SLC5A3: variants seen among roughly 807,000 people sequenced by gnomAD.
SLC5A3 encodes the protein sodium/myo-inositol cotransporter.
In SLC5A3, 10 loss-of-function variants were observed where a neutral mutation model predicts 43.2. The observed-to-expected ratio is 0.23, with a 90% CI of 0.14 to 0.39. The LOEUF is 0.39. Ranked by LOEUF, SLC5A3 falls within the 10% of genes least tolerant of loss-of-function variation. SLC5A3 has a pLI of 1.00. For missense variants in SLC5A3, 608 were observed against 893.4 expected, an observed-to-expected ratio of 0.68 and a Z score of 4.07; for synonymous variants, 349 against 322.0, an observed-to-expected ratio of 1.08 and a Z score of -0.90.
At chr21:34,088,285 C>G (rs1284909783) in intron 1 of SLC5A3, among the ~76,000 whole-genome samples, 3 of 152,176 alleles carry the variant, frequency 2.0e-5, no homozygotes, top group African/African-American at 7.2e-5. Flanking sequence ...GACTAATTAA[C>G]ACTGATAAAA....
Position 34,095,435 on chromosome 21 carries a change from G to T in SLC5A3, c.237G>T (p.Val79=), listed in dbSNP as rs1440582344. The stretch of plus-strand genomic sequence containing the variant: ...CTGGAGCTGCAAGTGGATTTGCAGT[G>T]GGCGCATGGGAATTCAATGCCTTAC... The part of the protein sequence containing the change: ...AGSGAASGFA[V]GAWEFNALLL... The change falls in exon 2 of 2, where the codon GTG becomes GTT. Residue 79 remains valine (V), a synonymous_variant. Coordinates refer to ENST00000381151, the MANE Select transcript of SLC5A3 (RefSeq NM_006933.7). 6.2e-7 allele frequency: 1 copy of T among 1,614,074 alleles called. No homozygotes were observed. Among genetic ancestry groups the T allele is most frequent in the East Asian group, 2.2e-5 (1 of 44,884 alleles).
Position 34,097,913 on chromosome 21 carries a change from C to CA in SLC5A3, c.*558_*559insA. On this transcript the variant is annotated 3_prime_UTR_variant, in exon 2 of 2. Transcript: ENST00000381151. The stretch of plus-strand genomic sequence containing the variant: ...GCATGAGCCTACGGATTCTGATTTC[C>CA]CAAAGAAAGAATGTTTTCCTGTAGG... 1.0e-6 allele frequency: 1 copy of CA among 997,146 alleles called. No individual in the cohort carries two copies. 61.8% of individuals were successfully genotyped at this position (997,146 alleles called of 1,614,324 possible).
Position 34,102,902 on chromosome 21 carries a change from G to A in SLC5A3, c.*5547G>A, listed in dbSNP as rs1277380481. The A allele has an allele frequency of 3.0e-6, 3 of 999,576 alleles. No individual in the cohort carries two copies. The highest frequency in any genetic ancestry group is 3.6e-6 in the Non-Finnish European group (3 of 829,896). 61.9% of individuals were successfully genotyped at this position (999,576 alleles called of 1,614,324 possible). ...TACAGTGAATTCGACAACCGCACAAGTTGGCAGTAGGTATCCCCAACCTAA... is the reference window on the plus strand; with the variant it reads ...TACAGTGAATTCGACAACCGCACAAATTGGCAGTAGGTATCCCCAACCTAA... On this transcript the variant is annotated 3_prime_UTR_variant, in exon 2 of 2. Transcript: ENST00000381151.
In SLC5A3 at chr21:34,099,788, A is replaced by G. The variant is rs781636822; in HGVS notation, c.*2433A>G. ...GTAAATAAGGAATGACTATTAGCAT[A>G]TTCATTAGAATTGTTTATTCTTGCC... On this transcript the variant is annotated 3_prime_UTR_variant, in exon 2 of 2. Coordinates refer to ENST00000381151, the MANE Select transcript of SLC5A3 (RefSeq NM_006933.7). 2.5e-6 allele frequency: 2 copies of G among 804,394 alleles called. No homozygotes were observed. Among genetic ancestry groups the G allele is most frequent in the Non-Finnish European group, 3.1e-6 (2 of 652,218 alleles). 49.8% of individuals were successfully genotyped at this position (804,394 alleles called of 1,614,324 possible).
At position 34,096,864 on chromosome 21, in the gene SLC5A3, G is replaced by A. The variant is rs1978986253; in HGVS notation, c.1666G>A (p.Glu556Lys). ...FWSKKNLVVK[E>K]NCSPKEEPYK... The stretch of plus-strand genomic sequence containing the variant: ...GTCTAAGAAGAACCTGGTGGTGAAG[G>A]AGAACTGCTCCCCAAAAGAGGAACC... The change falls in exon 2 of 2, where the codon GAG (glutamate) becomes AAG (lysine). Residue 556 changes from glutamate to lysine, a missense_variant. Glu to Lys is a moderately conservative substitution (Grantham distance 56, BLOSUM62 1). Around this residue, in one of 2 missense-constraint regions of SLC5A3, gnomAD observed 210 missense variants for 224.8 expected, o/e 0.93. Coordinates refer to ENST00000381151, the MANE Select transcript of SLC5A3 (RefSeq NM_006933.7). This position sits in a 1 kb window ranked among gnomAD's most constrained non-coding sequence, Gnocchi z 5.9. The A allele has an allele frequency of 6.2e-7, 1 of 1,614,088 alleles. No individual in the cohort carries two copies. The highest frequency in any genetic ancestry group is 8.5e-7 in the Non-Finnish European group (1 of 1,179,984).
rs1490915245 is a variant in SLC5A3 at position 34,102,170 on chromosome 21, C to T, written c.*4815C>T. 6 of 999,846 alleles carry T rather than the reference C, an allele frequency of 6.0e-6. No individual in the cohort carries two copies. The African/African-American group carries it at 7.0e-5, about 12-fold the overall frequency. The allele number at this position is 999,846 out of a possible 1,614,324, so 61.9% of individuals were successfully genotyped here. A position where few individuals can be genotyped will look rare whatever the true frequency, so the allele number is the denominator to read the frequency against. ...ACTGTCCTTTGTTGGAATACTTTAG[C>T]TGTTCAGCTACTTTGACTCCTAGGA... On this transcript the variant is annotated 3_prime_UTR_variant, in exon 2 of 2. Transcript: ENST00000381151.
Position 34,103,932 on chromosome 21 carries a change from A to G in SLC5A3, c.*6577A>G. ...GATGTCTAGGTTTTTGGTGGGTGGA[A>G]CAGGTGACATATTTCTGTTTTAAGC... On this transcript the variant is annotated 3_prime_UTR_variant, in exon 2 of 2. Coordinates refer to ENST00000381151, the MANE Select transcript of SLC5A3 (RefSeq NM_006933.7). 2.0e-6 allele frequency: 2 copies of G among 1,000,226 alleles called. No homozygotes were observed. The highest frequency in any genetic ancestry group is 1.7e-5 in the African/African-American group (1 of 57,346). 62.0% of individuals were successfully genotyped at this position (1,000,226 alleles called of 1,614,324 possible).
rs369103750 is a variant in SLC5A3 at position 34,089,153 on chromosome 21, G to C, written c.-336-5710G>C. ...AGCGATCCTCTTGCCACAGCCTCCT[G>C]AGTAGCTGGGATTACAGGCGTGTGC... On this transcript the variant is annotated intron_variant, in intron 1 of 1. Transcript: ENST00000381151. Among the ~76,000 whole-genome samples the C allele has an allele frequency of 1.7e-3, 259 of 152,050 alleles. 2 individuals carry two copies. Among genetic ancestry groups the C allele is most frequent in the African/African-American group, 6.0e-3 (250 of 41,446 alleles).
rs1244346013 is a variant in SLC5A3, at chr21:34,099,209, A to T, written c.*1854A>T. On this transcript the variant is annotated 3_prime_UTR_variant, in exon 2 of 2. Coordinates refer to ENST00000381151, the MANE Select transcript of SLC5A3 (RefSeq NM_006933.7). ...CTTGTAGAATTTTTTTCTCAATTTT[A>T]TTCTTGAGGTTTATAATTTGGGGGC... 1 of 999,882 alleles carries T rather than the reference A, an allele frequency of 1.0e-6. No individual in the cohort carries two copies. Among genetic ancestry groups the T allele is most frequent in the Non-Finnish European group, 1.2e-6 (1 of 829,926 alleles). 61.9% of individuals were successfully genotyped at this position (999,882 alleles called of 1,614,324 possible). A position where few individuals can be genotyped will look rare whatever the true frequency, so the allele number is the denominator to read the frequency against.
In SLC5A3 at chr21:34,090,878, C is replaced by T. The variant is rs12482054; in HGVS notation, c.-336-3985C>T. 7.4e-3 allele frequency among the ~76,000 whole-genome samples: 1,130 copies of T among 152,286 alleles called. 27 individuals are homozygous for T. The highest frequency in any genetic ancestry group is 0.05 in the East Asian group (260 of 5,178). ...AAAACTGTGCTGTTTTCTTCTGTAC[C>T]GTGCCACCTACATAGATGTGGTACC... On this transcript the variant is annotated intron_variant, in intron 1 of 1. Coordinates refer to ENST00000381151, the MANE Select transcript of SLC5A3 (RefSeq NM_006933.7).
intron 1 of SLC5A3, among the ~76,000 whole-genome samples, chr21:34,080,970 C>T (rs960737397): frequency 1.4e-4 from 21 of 152,156 alleles, no homozygotes; most frequent in African/African-American, 3.9e-4. Context: ...ATCTTGTTTC[C>T]GTAAAATAAT....
chr21:34,099,141 A>AT lies in SLC5A3; in HGVS notation c.*1789dup. 2 of 999,548 alleles carry AT rather than the reference A, an allele frequency of 2.0e-6. No individual in the cohort carries two copies. The highest frequency in any genetic ancestry group is 2.4e-6 in the Non-Finnish European group (2 of 829,652). 61.9% of individuals were successfully genotyped at this position (999,548 alleles called of 1,614,324 possible). Reference sequence around the variant, plus strand: ...GACTGAGTCTGTAAATGAAAAAATAATTTATGTATGAATAGCATGTATTTC... The same window carrying AT: ...GACTGAGTCTGTAAATGAAAAAATAATTTTATGTATGAATAGCATGTATTTC... On this transcript the variant is annotated 3_prime_UTR_variant, in exon 2 of 2. Coordinates refer to ENST00000381151, the MANE Select transcript of SLC5A3 (RefSeq NM_006933.7).
chr21:34,079,600 T>C (rs1215400752), intron 1 of SLC5A3, among the ~76,000 whole-genome samples: 2 of 115,346 alleles, frequency 1.7e-5, no homozygotes, highest in Non-Finnish European at 3.4e-5. Context: ...CAGACCCAGC[T>C]AATTTTTTTT....
In SLC5A3 at chr21:34,104,783, CT is replaced by C; in HGVS notation, c.*7429del. 1 of 1,000,202 alleles carries C rather than the reference CT, an allele frequency of 1.0e-6. No homozygotes were observed. Among genetic ancestry groups the C allele is most frequent in the South Asian group, 4.7e-5 (1 of 21,286 alleles). 62.0% of individuals were successfully genotyped at this position (1,000,202 alleles called of 1,614,324 possible). A position where few individuals can be genotyped will look rare whatever the true frequency, so the allele number is the denominator to read the frequency against. On this transcript the variant is annotated 3_prime_UTR_variant, in exon 2 of 2. Transcript: ENST00000381151. ...CTTAGCAACATGTGATAATGCAAAG[CT>C]GTTATAACCTGTTAATCCTACGTAC...
chr21:34,097,762 A>T lies in SLC5A3; in HGVS notation c.*407A>T, dbSNP rs1015241743. 1.0e-6 allele frequency: 1 copy of T among 1,003,536 alleles called. No individual in the cohort carries two copies. Among genetic ancestry groups the T allele is most frequent in the South Asian group, 4.7e-5 (1 of 21,464 alleles). 62.2% of individuals were successfully genotyped at this position (1,003,536 alleles called of 1,614,324 possible). ...TCTAAATTTTTTTTTCTGTCTCTGT[A>T]ATCCCTCCTACCATTAAGAAAAACT... On this transcript the variant is annotated 3_prime_UTR_variant, in exon 2 of 2. Coordinates refer to ENST00000381151, the MANE Select transcript of SLC5A3 (RefSeq NM_006933.7).
chr21:34,103,074 T>C lies in SLC5A3; in HGVS notation c.*5719T>C. On this transcript the variant is annotated 3_prime_UTR_variant, in exon 2 of 2. Coordinates refer to ENST00000381151, the MANE Select transcript of SLC5A3 (RefSeq NM_006933.7). ...TGTAAGTGGAATGTTCATTAGTAAC[T>C]CATCTTTTTGTTGTTATAATTGGAA... 1.0e-6 allele frequency: 1 copy of C among 1,000,134 alleles called. No individual in the cohort carries two copies. Among genetic ancestry groups the C allele is most frequent in the Non-Finnish European group, 1.2e-6 (1 of 829,920 alleles). 62.0% of individuals were successfully genotyped at this position (1,000,134 alleles called of 1,614,324 possible). A position where few individuals can be genotyped will look rare whatever the true frequency, so the allele number is the denominator to read the frequency against.
Position 34,099,466 on chromosome 21 carries a change from T to A in SLC5A3, c.*2111T>A. The A allele has an allele frequency of 1.0e-6, 1 of 1,000,088 alleles. No individual in the cohort carries two copies. Among genetic ancestry groups the A allele is most frequent in the Non-Finnish European group, 1.2e-6 (1 of 829,912 alleles). The allele number at this position is 1,000,088 out of a possible 1,614,324, so 62.0% of individuals were successfully genotyped here. A position where few individuals can be genotyped will look rare whatever the true frequency, so the allele number is the denominator to read the frequency against. On this transcript the variant is annotated 3_prime_UTR_variant, in exon 2 of 2. Coordinates refer to ENST00000381151, the MANE Select transcript of SLC5A3 (RefSeq NM_006933.7). ...TTGGGAAAGTAATAAGATCTTGGAT[T>A]TTTCAAATTAACATTAAGTTGTAAG...
chr21:34,103,841 G>T lies in SLC5A3; in HGVS notation c.*6486G>T. ...TCAAGAATGCCAAAATTATATTTGG[G>T]GGTTACTAGCTAAAATGGGGTTTGA... On this transcript the variant is annotated 3_prime_UTR_variant, in exon 2 of 2. Transcript: ENST00000381151. 2.0e-6 allele frequency: 2 copies of T among 1,000,044 alleles called. No individual in the cohort carries two copies. The highest frequency in any genetic ancestry group is 2.4e-6 in the Non-Finnish European group (2 of 829,880). 61.9% of individuals were successfully genotyped at this position (1,000,044 alleles called of 1,614,324 possible).
Position 34,105,089 on chromosome 21 carries a change from AT to A in SLC5A3, c.*7742del, listed in dbSNP as rs992161123. The A allele has an allele frequency of 1.0e-6, 1 of 999,698 alleles. No homozygotes were observed. The highest frequency in any genetic ancestry group is 1.2e-6 in the Non-Finnish European group (1 of 829,622). 61.9% of individuals were successfully genotyped at this position (999,698 alleles called of 1,614,324 possible). A position where few individuals can be genotyped will look rare whatever the true frequency, so the allele number is the denominator to read the frequency against. On this transcript the variant is annotated 3_prime_UTR_variant, in exon 2 of 2. Coordinates refer to ENST00000381151, the MANE Select transcript of SLC5A3 (RefSeq NM_006933.7). ...GGGGTTATTAAAATGCAAAAGCTTTATTTTTTTTAATAATGCCATACTCCAT... is the reference window on the plus strand; with the variant it reads ...GGGGTTATTAAAATGCAAAAGCTTTATTTTTTTAATAATGCCATACTCCAT...
Sources: gnomAD v4.1 joint callset for allele counts (sites outside exome capture counted in the v4.1 genomes callset) on GRCh38, gnomAD v4.1.1 for gene constraint, gnomAD v4.1.1 regional missense constraint, Gnocchi (gnomAD v3.1) non-coding constraint, MANE v1.5 for transcripts, NCBI Gene and HGNC (gene_info 2026-07-23, HGNC 2026-07-21) for gene names.